Variants in TJP1 observed in about 807,000 individuals in gnomAD.
TJP1 encodes tight junction protein ZO-1.
Under a neutral mutation model 194.2 loss-of-function variants are expected in TJP1, and 43 were observed. The observed-to-expected ratio is 0.22, with a 90% CI of 0.17 to 0.29. TJP1 has a LOEUF of 0.29. Ranked by LOEUF, TJP1 falls within the 10% of genes least tolerant of loss-of-function variation. The pLI is 1.00. For synonymous variants in TJP1, 801 were observed against 779.0 expected (o/e 1.03, Z -0.47); for missense variants, 1,971 against 2,185.7 (o/e 0.90, Z 1.96).
chr15:29,829,018 C>G (rs557591768), intron 2 of TJP1, among the ~76,000 whole-genome samples: 5 of 152,144 alleles, frequency 3.3e-5, no homozygotes, highest in Admixed American at 2.0e-4. Flanking sequence ...TCCCTAAGTG[C>G]TGAGATTACA....
At chr15:29,774,932 G>A (rs1448400276) in intron 2 of TJP1, among the ~76,000 whole-genome samples, 1 of 151,736 alleles carries the variant, frequency 6.6e-6, no homozygotes, top group Non-Finnish European at 1.5e-5. Context: ...TCGGTTTCAT[G>A]TTCTTTGCTT....
At chr15:29,831,990 A>G (rs2050851828) in intron 2 of TJP1, among the ~76,000 whole-genome samples, 2 of 152,178 alleles carry the variant, frequency 1.3e-5, no homozygotes, top group Admixed American at 1.3e-4. Context: ...GCAAATCAAC[A>G]ATAACATAAA....
At chr15:29,939,936 C>T (rs2055011009) in intron 2 of TJP1, among the ~76,000 whole-genome samples, 1 of 152,114 alleles carries the variant, frequency 6.6e-6, no homozygotes, top group South Asian at 2.1e-4. Flanking sequence ...CCCCCCAACC[C>T]CCCAGTTTAT....
At chr15:29,790,176 A>C (rs2047980234) in intron 2 of TJP1, among the ~76,000 whole-genome samples, 1 of 152,304 alleles carries the variant, frequency 6.6e-6, no homozygotes, top group South Asian at 2.1e-4. Context: ...GCAAAGCCTA[A>C]AATACTTATT....
At chr15:29,769,696 G>A (rs1300269243) in intron 4 of TJP1, among the ~76,000 whole-genome samples, 1 of 152,098 alleles carries the variant, frequency 6.6e-6, no homozygotes, top group Non-Finnish European at 1.5e-5. Context: ...ACCTAGGGAC[G>A]CCACAGGGTC....
upstream of TJP1, among the ~76,000 whole-genome samples, chr15:29,824,445 A>C (rs2050616996): frequency 6.9e-6 from 1 of 145,808 alleles, no homozygotes; most frequent in African/African-American, 2.5e-5. Flanking sequence ...CTCCGTCTCA[A>C]ATCATCATCA....
chr15:29,712,278 T>C (rs956437775), intron 23 of TJP1, among the ~76,000 whole-genome samples: 15 of 152,182 alleles, frequency 9.9e-5, no homozygotes, highest in Non-Finnish European at 1.5e-4. Flanking sequence ...ATGATGACAT[T>C]AAAATCTGAA....
intron 4 of TJP1, among the ~76,000 whole-genome samples, chr15:29,768,677 A>G (rs2151600714): frequency 6.6e-6 from 1 of 152,310 alleles, no homozygotes; most frequent in South Asian, 2.1e-4. Flanking sequence ...ATATAATGCA[A>G]TGCTTGCATC....
chr15:29,904,892 G>A (rs2053756504), intron 2 of TJP1, among the ~76,000 whole-genome samples: 1 of 152,192 alleles, frequency 6.6e-6, no homozygotes, highest in Non-Finnish European at 1.5e-5. Context: ...TGAAGATGGA[G>A]GTAGAGACTG....
intron 5 of TJP1, among the ~76,000 whole-genome samples, 160 bp downstream of exon 5, chr15:29,766,106 C>T (rs2046314592): frequency 6.6e-6 from 1 of 152,218 alleles, no homozygotes. Context: ...AAAAAATGAA[C>T]AGTCCCTGAA....
intron 23 of TJP1, among the ~76,000 whole-genome samples, chr15:29,713,984 G>C (rs1471914701): frequency 6.6e-6 from 1 of 152,134 alleles, no homozygotes; most frequent in African/African-American, 2.4e-5. Context: ...CAATGACCAG[G>C]TAATACAGGT....
intron 2 of TJP1, among the ~76,000 whole-genome samples, chr15:29,832,251 ACTAG>A (rs1397401292): frequency 2.6e-5 from 4 of 152,116 alleles, no homozygotes; most frequent in Non-Finnish European, 5.9e-5. Context: ...AGAAGTTCAG[ACTAG>A]CTTGCTGGAG....
intron 2 of TJP1, among the ~76,000 whole-genome samples, chr15:29,784,528 T>C (rs761660298): frequency 6.9e-4 from 105 of 152,180 alleles, no homozygotes; most frequent in Non-Finnish European, 1.3e-4. Flanking sequence ...TGTCTCGAAC[T>C]CCTGACCTCA....
chr15:29,742,097 A>C (rs2044459416), intron 9 of TJP1, among the ~76,000 whole-genome samples: 2 of 151,840 alleles, frequency 1.3e-5, no homozygotes, highest in African/African-American at 4.8e-5. Context: ...CCACAAAAAA[A>C]CCCCAGAAAA....
chr15:29,766,635 A>G (rs912026292), intron 4 of TJP1, 93 bp from the exon 5 acceptor site: 13 of 1,241,840 alleles, frequency 1.0e-5, no homozygotes, highest in Non-Finnish European at 1.4e-5. Context: ...TTCTCATCCC[A>G]TATTAACTAT....
chr15:29,742,782 C>A lies in TJP1; in HGVS notation c.1011-1G>T. On this transcript the variant is annotated splice_acceptor_variant, in intron 8 of 27. Transcript: ENST00000614355. LOFTEE classifies it high-confidence loss of function. ...TCTCTCTTCATCTCTACTCCGGAGACTGTGTGTCATTAAAATAAAAAATCA... is the reference window on the plus strand; with the variant it reads ...TCTCTCTTCATCTCTACTCCGGAGAATGTGTGTCATTAAAATAAAAAATCA... The A allele has an allele frequency of 6.4e-7, 1 of 1,573,704 alleles. No homozygotes were observed. Among genetic ancestry groups the A allele is most frequent in the East Asian group, 2.3e-5 (1 of 43,658 alleles).
chr15:29,890,869 G>A (rs1040406765), intron 2 of TJP1, among the ~76,000 whole-genome samples: 2 of 152,060 alleles, frequency 1.3e-5, no homozygotes, highest in African/African-American at 4.8e-5. Context: ...AAGAGACTCT[G>A]CCAGCGAGAT....
chr15:29,928,686 G>C (rs1341778300), intron 2 of TJP1, among the ~76,000 whole-genome samples: 1 of 152,150 alleles, frequency 6.6e-6, no homozygotes, highest in Non-Finnish European at 1.5e-5. Context: ...GCTCACGCCT[G>C]TAATCCCAGC....
chr15:29,907,890 T>G (rs1441494342), intron 2 of TJP1, among the ~76,000 whole-genome samples: 2 of 151,646 alleles, frequency 1.3e-5, no homozygotes, highest in African/African-American at 4.8e-5. Flanking sequence ...TTCCTCAGAA[T>G]TTTCAACCAC....
Sources: gnomAD v4.1 joint callset for allele counts (sites outside exome capture counted in the v4.1 genomes callset) on GRCh38, gnomAD v4.1.1 for gene constraint, MANE v1.5 for transcripts, NCBI Gene and HGNC (gene_info 2026-07-23, HGNC 2026-07-21) for gene names.